Variants in OLFM2 observed in about 807,000 individuals in gnomAD.
The protein encoded by OLFM2 is noelin-2.
In OLFM2, 20 loss-of-function variants were observed where a neutral mutation model predicts 43.9. The ratio of observed to expected loss-of-function variants is 0.46; its 90% CI spans 0.32 to 0.66. The LOEUF (loss-of-function observed/expected upper bound fraction) is 0.66. OLFM2 is among the 30% of genes least tolerant of loss of function. OLFM2 has a pLI of 0.04. For synonymous variants in OLFM2, 268 were observed against 278.6 expected, an observed-to-expected ratio of 0.96 and a Z score of 0.38; for missense variants, 416 against 643.6, an observed-to-expected ratio of 0.65 and a Z score of 3.83.
chr19:9,879,684 G>T lies in OLFM2; in HGVS notation c.64-18890C>A, dbSNP rs566608019. On this transcript the variant is annotated intron_variant, in intron 1 of 5. Coordinates refer to ENST00000264833, the MANE Select transcript of OLFM2 (RefSeq NM_058164.4). ...ACGAACTAATACACTGGGACTCCAG[G>T]TGTGCGCCACCACGCCTGGCTAAGT... Among the ~76,000 whole-genome samples, 17 of 152,112 alleles carry T rather than the reference G, an allele frequency of 1.1e-4. No homozygotes were observed. The South Asian group carries it at 3.5e-3, about 32-fold the overall frequency.
intron 1 of OLFM2, among the ~76,000 whole-genome samples, chr19:9,901,049 A>AGCG (rs2046732904): frequency 2.3e-5 from 1 of 44,368 alleles, no homozygotes; most frequent in Admixed American, 3.6e-4. Context: ...GAGGGAGGGA[A>AGCG]GGGAGGGAGG....
intron 1 of OLFM2, among the ~76,000 whole-genome samples, chr19:9,898,331 G>A (rs2046704570): frequency 6.6e-6 from 1 of 151,288 alleles, no homozygotes; most frequent in South Asian, 2.1e-4. Flanking sequence ...AGACCAGCCT[G>A]GCCAACATGA....
At position 9,936,314 on chromosome 19, in the gene OLFM2, A is replaced by G. The variant is rs537399293; in HGVS notation, c.53T>C (p.Leu18Pro). The G allele has an allele frequency of 1.3e-6, 2 of 1,525,460 alleles. No individual in the cohort carries two copies. The highest frequency in any genetic ancestry group is 1.4e-5 in the African/African-American group (1 of 71,608). The allele number at this position is 1,525,460 out of a possible 1,614,324, so 94.5% of individuals were successfully genotyped here. A position where few individuals can be genotyped will look rare whatever the true frequency, so the allele number is the denominator to read the frequency against. ...PPLLLLLCSG[L>P]AGQTLFQNPE... is the part of the protein sequence containing the mutation. Reference sequence around the variant, plus strand: ...CCGCCGGGCCCCTACCTGTCCGGCCAGGCCTGAGCACAGCAGCAGCAGCAG... The same window carrying G: ...CCGCCGGGCCCCTACCTGTCCGGCCGGGCCTGAGCACAGCAGCAGCAGCAG... Residue 18 changes from leucine to proline, a missense_variant, in exon 1 of 6, where the codon CTG (leucine) becomes CCG (proline). By Grantham distance (98) the Leu-to-Pro change is moderately conservative. Transcript: ENST00000264833.
At chr19:9,902,031 T>TAC (rs1041107757) in intron 1 of OLFM2, among the ~76,000 whole-genome samples, 1 of 152,030 alleles carries the variant, frequency 6.6e-6, no homozygotes, top group African/African-American at 2.4e-5. Flanking sequence ...ACTGACTATA[T>TAC]ATATATATAT....
At chr19:9,890,012 GC>G (rs1426082109) in intron 1 of OLFM2, among the ~76,000 whole-genome samples, 2 of 151,926 alleles carry the variant, frequency 1.3e-5, no homozygotes, top group African/African-American at 4.8e-5. Flanking sequence ...AGAAGGAGGA[GC>G]CGGGAGGAGA....
At chr19:9,916,173 A>G (rs2144997956) in intron 1 of OLFM2, among the ~76,000 whole-genome samples, 2 of 152,222 alleles carry the variant, frequency 1.3e-5, no homozygotes, top group Middle Eastern at 3.4e-3. Context: ...CCTGGCCAAC[A>G]TGGTAAAACC....
At chr19:9,855,735 A>G (rs1473524657) in intron 5 of OLFM2, among the ~76,000 whole-genome samples, 4 of 150,478 alleles carry the variant, frequency 2.7e-5, no homozygotes, top group African/African-American at 9.8e-5. Flanking sequence ...AAGGTCTCGC[A>G]ATGTTGCCCA....
intron 1 of OLFM2, among the ~76,000 whole-genome samples, chr19:9,925,966 C>G (rs73018081): frequency 0.096 from 14,569 of 151,314 alleles, 855 homozygotes; most frequent in Non-Finnish European, 0.12. Context: ...AAGACCCCAT[C>G]TCTACAGAAA....
At chr19:9,928,540 C>T (rs1303443835) in intron 1 of OLFM2, among the ~76,000 whole-genome samples, 1 of 152,108 alleles carries the variant, frequency 6.6e-6, no homozygotes, top group Non-Finnish European at 1.5e-5. Context: ...TGCAGTGGCT[C>T]ATGCCTGTAA....
At chr19:9,883,181 C>G (rs1262522003) in intron 1 of OLFM2, among the ~76,000 whole-genome samples, 2 of 143,838 alleles carry the variant, frequency 1.4e-5, no homozygotes, top group African/African-American at 5.2e-5. Flanking sequence ...TGAACTCCAG[C>G]CTGGGTGACA....
At chr19:9,913,472 C>T in intron 1 of OLFM2, 2 of 1,074,146 alleles carry the variant, frequency 1.9e-6, no homozygotes, top group African/African-American at 3.4e-5. Flanking sequence ...CCCCGCGCGG[C>T]GGCCACTCAC....
At position 9,857,011 on chromosome 19, in the gene OLFM2, G is replaced by T; in HGVS notation, c.581-98C>A. 9.3e-7 allele frequency: 1 copy of T among 1,075,912 alleles called. No homozygotes were observed. The highest frequency in any genetic ancestry group is 1.4e-6 in the Non-Finnish European group (1 of 719,106). 66.6% of individuals were successfully genotyped at this position (1,075,912 alleles called of 1,614,324 possible). ...GCTGTGATCAAGTTGGGAAAGCTGGGACCAGGGATGAGGGAAGACTCAAAA... is the reference window on the plus strand; with the variant it reads ...GCTGTGATCAAGTTGGGAAAGCTGGTACCAGGGATGAGGGAAGACTCAAAA... On this transcript the variant is annotated intron_variant, in intron 4 of 5. Coordinates refer to ENST00000264833, the MANE Select transcript of OLFM2 (RefSeq NM_058164.4). This position sits in a 1 kb window ranked among gnomAD's most constrained non-coding sequence, Gnocchi z 5.7.
intron 1 of OLFM2, among the ~76,000 whole-genome samples, chr19:9,928,579 T>C (rs1599505024): frequency 6.6e-6 from 1 of 151,506 alleles, no homozygotes; most frequent in Non-Finnish European, 1.5e-5. Context: ...CCAAGGTGGG[T>C]GGATCACTTG....
rs373119968 is a variant in OLFM2, at chr19:9,930,596, G to A, written c.63+5708C>T. 2.6e-5 allele frequency among the ~76,000 whole-genome samples: 4 copies of A among 151,932 alleles called. No homozygotes were observed. The East Asian group carries it at 7.8e-4, about 29-fold the overall frequency. On this transcript the variant is annotated intron_variant, in intron 1 of 5. Coordinates refer to ENST00000264833, the MANE Select transcript of OLFM2 (RefSeq NM_058164.4). ...ACCGTGGCTCACGCCTGTAATCCCA[G>A]CACTTTGGGAGGCCAAGGCGGGCAG... is the stretch of plus-strand genomic sequence containing the variant.
At position 9,882,305 on chromosome 19, in the gene OLFM2, G is replaced by A. The variant is rs996967424; in HGVS notation, c.64-21511C>T. Among the ~76,000 whole-genome samples the A allele has an allele frequency of 3.3e-5, 5 of 151,826 alleles. No individual in the cohort carries two copies. In the East Asian group the frequency reaches 7.7e-4, roughly 23 times the overall value. ...TGTAATCCCAGCTCTTAGGGAGGCC[G>A]AGGTGGGTGGATCGTGAGGTCAGGA... On this transcript the variant is annotated intron_variant, in intron 1 of 5. Transcript: ENST00000264833.
chr19:9,878,795 G>A (rs1319689356), intron 1 of OLFM2, among the ~76,000 whole-genome samples: 1 of 152,156 alleles, frequency 6.6e-6, no homozygotes, highest in Non-Finnish European at 1.5e-5. Context: ...TAAGTGCCAC[G>A]ATGCAGGGAA....
intron 1 of OLFM2, among the ~76,000 whole-genome samples, chr19:9,867,318 C>T (rs1292097685): frequency 6.6e-6 from 1 of 152,170 alleles, no homozygotes; most frequent in Non-Finnish European, 1.5e-5. Flanking sequence ...TTGCAGTGAG[C>T]CGAGATCGTG....
chr19:9,899,806 G>C (rs2046715479), intron 1 of OLFM2, among the ~76,000 whole-genome samples: 1 of 151,836 alleles, frequency 6.6e-6, no homozygotes, highest in African/African-American at 2.4e-5. Flanking sequence ...TCCCACCTCA[G>C]CCTCCCAAAG....
At chr19:9,902,352 C>T (rs998951127) in intron 1 of OLFM2, among the ~76,000 whole-genome samples, 1 of 149,812 alleles carries the variant, frequency 6.7e-6, no homozygotes, top group Non-Finnish European at 1.5e-5. Context: ...ATTGAGGACA[C>T]TGGATATATC....
Sources: allele counts gnomAD v4.1 joint callset (sites outside exome capture counted in the v4.1 genomes callset), GRCh38; gene constraint gnomAD v4.1.1; non-coding constraint Gnocchi (gnomAD v3.1); transcripts MANE v1.5; gene names NCBI Gene and HGNC (gene_info 2026-07-23, HGNC 2026-07-21).